PRDM16: variants seen among roughly 807,000 people sequenced by gnomAD.
The protein encoded by PRDM16 is PR/SET domain 16, also known as histone-lysine N-methyltransferase PRDM16.
A neutral mutation model predicts 110.6 loss-of-function variants in PRDM16; 23 were observed. That is an observed-to-expected ratio of 0.21 (90% CI 0.15 to 0.29). The LOEUF is 0.29. PRDM16 is among the 10% of genes least tolerant of loss of function. The pLI is 1.00. For missense variants in PRDM16, 1,615 were observed against 1,794.3 expected (o/e 0.90, Z 1.81); for synonymous variants, 799 against 781.8 (o/e 1.02, Z -0.37).
chr1:3,178,123 C>T (rs1644110023), intron 1 of PRDM16, among the ~76,000 whole-genome samples: 1 of 152,182 alleles, frequency 6.6e-6, no homozygotes, highest in South Asian at 2.1e-4. Flanking sequence ...TGGATCCTCC[C>T]CCTGCCAGCG....
chr1:3,212,011 G>A (rs969711873), intron 2 of PRDM16, among the ~76,000 whole-genome samples: 1 of 152,180 alleles, frequency 6.6e-6, no homozygotes, highest in Admixed American at 6.5e-5. Context: ...CGAGTTCTCC[G>A]GGTGGATTAA....
intron 4 of PRDM16, among the ~76,000 whole-genome samples, chr1:3,392,979 C>T (rs1643322239): frequency 6.6e-6 from 1 of 152,254 alleles, no homozygotes; most frequent in Admixed American, 6.5e-5. Context: ...CACCCACGTT[C>T]AGTCAAGTCA....
chr1:3,194,697 T>TCTCCCCGCCACACGCCATCGC, intron 2 of PRDM16, among the ~76,000 whole-genome samples: 1 of 148,518 alleles, frequency 6.7e-6, no homozygotes, highest in African/African-American at 2.5e-5. Context: ...CACGCCATCG[T>TCTCCCCGCCACACGCCATCGC]CTCCCCGCCA....
intron 15 of PRDM16, 141 bp from the exon 16 acceptor site, chr1:3,431,823 CGT>C: frequency 1.3e-6 from 1 of 773,222 alleles, no homozygotes. Context: ...TCTGTGTGTC[CGT>C]GTGTCTGTCT....
rs1187980546 is a variant in PRDM16, at chr1:3,358,218, C to A, written c.439-26934C>A. On this transcript the variant is annotated intron_variant, in intron 3 of 16. Transcript: ENST00000270722. The surrounding 1 kb of genome is among the most constrained non-coding windows in gnomAD (Gnocchi z 4.0). ...GCCTTGGAGGGAAGTTTGTCTTCCTCCCTGTACACAGATAAAGTCACCATG... is the reference window on the plus strand; with the variant it reads ...GCCTTGGAGGGAAGTTTGTCTTCCTACCTGTACACAGATAAAGTCACCATG... Among the ~76,000 whole-genome samples, 1 of 152,242 alleles carries A rather than the reference C, an allele frequency of 6.6e-6. No individual in the cohort carries two copies. Among genetic ancestry groups the A allele is most frequent in the Admixed American group, 6.5e-5 (1 of 15,290 alleles).
intron 3 of PRDM16, among the ~76,000 whole-genome samples, chr1:3,364,793 G>A (rs542317788): frequency 4.6e-5 from 7 of 152,364 alleles, no homozygotes; most frequent in East Asian, 1.9e-4. Context: ...ATGGGCCCGC[G>A]CAGCCTCAGC....
At chr1:3,203,443 T>C (rs1321846709) in intron 2 of PRDM16, among the ~76,000 whole-genome samples, 2 of 152,242 alleles carry the variant, frequency 1.3e-5, no homozygotes, top group Admixed American at 6.5e-5. Flanking sequence ...ATTAGGGCCG[T>C]AGGGGCGCTG....
intron 1 of PRDM16, among the ~76,000 whole-genome samples, chr1:3,141,636 G>T (rs1483463085): frequency 2.6e-5 from 4 of 152,232 alleles, no homozygotes; most frequent in Admixed American, 6.5e-5. Flanking sequence ...GGGCCACAAC[G>T]TGGTGGCATT....
intron 3 of PRDM16, among the ~76,000 whole-genome samples, chr1:3,323,157 A>T (rs1641801114): frequency 6.6e-6 from 1 of 152,160 alleles, no homozygotes; most frequent in South Asian, 2.1e-4. Context: ...ACGGGGTTTC[A>T]AAAGGGTCTC....
chr1:3,312,410 G>T (rs909109075), intron 3 of PRDM16, among the ~76,000 whole-genome samples: 2 of 152,230 alleles, frequency 1.3e-5, no homozygotes, highest in Non-Finnish European at 2.9e-5. Flanking sequence ...CCCGAGGGCA[G>T]CAGGCAGCCC....
chr1:3,293,122 C>T (rs1255314597), intron 3 of PRDM16, among the ~76,000 whole-genome samples: 1 of 152,256 alleles, frequency 6.6e-6, no homozygotes, highest in African/African-American at 2.4e-5. Flanking sequence ...TCCACCCCAG[C>T]TCCTGGCACT....
chr1:3,226,003 G>A (rs1242646908), intron 2 of PRDM16, among the ~76,000 whole-genome samples: 1 of 152,212 alleles, frequency 6.6e-6, no homozygotes, highest in Non-Finnish European at 1.5e-5. Flanking sequence ...TCATTGTGGT[G>A]GCCACTTTTA....
chr1:3,084,431 T>C (rs1570221313), intron 1 of PRDM16, among the ~76,000 whole-genome samples: 3 of 152,218 alleles, frequency 2.0e-5, no homozygotes, highest in Admixed American at 2.0e-4. Flanking sequence ...CAGTCTGTGC[T>C]CTGGCACGAG....
intron 3 of PRDM16, among the ~76,000 whole-genome samples, chr1:3,304,497 G>A (rs1385720263): frequency 1.3e-5 from 2 of 152,186 alleles, no homozygotes; most frequent in Non-Finnish European, 2.9e-5. Flanking sequence ...TTGGCGTCAC[G>A]GAGCTACTGC....
intron 2 of PRDM16, among the ~76,000 whole-genome samples, chr1:3,197,793 C>G (rs1252384935): frequency 6.6e-6 from 1 of 152,168 alleles, no homozygotes; most frequent in Non-Finnish European, 1.5e-5. Flanking sequence ...CCTCCCTCCC[C>G]TGGGTCAGAC....
At chr1:3,248,068 G>A (rs1157221070) in intron 3 of PRDM16, among the ~76,000 whole-genome samples, 1 of 152,248 alleles carries the variant, frequency 6.6e-6, no homozygotes, top group Non-Finnish European at 1.5e-5. Context: ...CAAGAGCCGT[G>A]TTAAGGGCTC....
intron 6 of PRDM16, 138 bp downstream of exon 6, chr1:3,403,136 C>G (rs1643503189): frequency 1.2e-6 from 1 of 814,916 alleles, no homozygotes; most frequent in East Asian, 2.6e-5. Flanking sequence ...ACAAAGGGCC[C>G]CCTGGTGGGA....
intron 2 of PRDM16, among the ~76,000 whole-genome samples, chr1:3,227,380 T>C (rs10737191): frequency 0.99 from 151,622 of 152,408 alleles, 75,424 homozygotes; most frequent in East Asian, 1. Context: ...CCACAGGCTT[T>C]GCTGTTTTAC....
intron 14 of PRDM16, among the ~76,000 whole-genome samples, chr1:3,429,537 G>A (rs998616068): frequency 2.6e-5 from 4 of 152,216 alleles, no homozygotes; most frequent in Non-Finnish European, 5.9e-5. Context: ...GGACAGGGAG[G>A]GGTATGTCCT....
Sources: allele counts gnomAD v4.1 joint callset (sites outside exome capture counted in the v4.1 genomes callset), GRCh38; gene constraint gnomAD v4.1.1; non-coding constraint Gnocchi (gnomAD v3.1); transcripts MANE v1.5; gene names NCBI Gene and HGNC (gene_info 2026-07-23, HGNC 2026-07-21).